The following XPO4 variants were observed in gnomAD, a reference collection of about 807,000 sequenced individuals.
XPO4 encodes the protein exportin-4.
XPO4 carries 39 observed loss-of-function variants against 143.0 expected under a neutral mutation model. That is an observed-to-expected ratio of 0.27 (90% CI 0.21 to 0.36). The LOEUF is 0.36. Ranked by LOEUF, XPO4 falls within the 10% of genes least tolerant of loss-of-function variation. The pLI, the probability that XPO4 is intolerant of heterozygous loss-of-function variation, is 1.00. For synonymous variants in XPO4, 439 were observed against 474.0 expected (o/e 0.93, Z 0.96); for missense variants, 907 against 1,348.0 (o/e 0.67, Z 5.12).
intron 10 of XPO4, 103 bp from the exon 11 acceptor site, chr13:20,809,328 C>T: frequency 1.4e-6 from 2 of 1,415,522 alleles, no homozygotes; most frequent in Non-Finnish European, 1.9e-6. Context: ...CACTGCATAG[C>T]AAAAGGAGAG....
At chr13:20,897,256 G>A (rs1759577220) in intron 1 of XPO4, among the ~76,000 whole-genome samples, 1 of 152,080 alleles carries the variant, frequency 6.6e-6, no homozygotes, top group Non-Finnish European at 1.5e-5. Context: ...TAAAGGCAGT[G>A]TACCTTACAC....
intron 3 of XPO4, among the ~76,000 whole-genome samples, chr13:20,860,538 G>A (rs371305760): frequency 6.6e-6 from 1 of 152,126 alleles, no homozygotes; most frequent in Non-Finnish European, 1.5e-5. Context: ...TACATTGTGT[G>A]CAAAACAACA....
chr13:20,812,330 A>C (rs367892071), intron 9 of XPO4, among the ~76,000 whole-genome samples: 13 of 152,136 alleles, frequency 8.5e-5, no homozygotes, highest in African/African-American at 2.9e-4. Context: ...TTATATAAAA[A>C]CTACAGTATG....
chr13:20,893,236 G>A (rs948660036), intron 1 of XPO4, among the ~76,000 whole-genome samples: 17 of 152,132 alleles, frequency 1.1e-4, no homozygotes, highest in Non-Finnish European at 1.3e-4. Context: ...ACACTTAATG[G>A]CACTTTTCCC....
chr13:20,808,298 G>T, intron 12 of XPO4, 138 bp downstream of exon 12: 1 of 888,134 alleles, frequency 1.1e-6, no homozygotes, highest in Non-Finnish European at 1.6e-6. Context: ...TGCATCCATA[G>T]TTCTATGACA....
intron 13 of XPO4, among the ~76,000 whole-genome samples, chr13:20,804,212 TTATATATATATACACACACACATTA>T (rs1280222404): frequency 3.1e-4 from 47 of 149,862 alleles, no homozygotes; most frequent in African/African-American, 1.2e-3. Flanking sequence ...TATACACACA[TTATATATATATACACACACACATTA>T]TATATATATA....
chr13:20,867,208 A>C (rs2056206620), intron 2 of XPO4, among the ~76,000 whole-genome samples: 1 of 152,220 alleles, frequency 6.6e-6, no homozygotes, highest in Non-Finnish European at 1.5e-5. Context: ...CACTGAAATA[A>C]GTAAATTAAT....
chr13:20,783,902 C>G lies in XPO4; in HGVS notation c.3276G>C (p.Leu1092=). 6.2e-7 allele frequency: 1 copy of G among 1,614,138 alleles called. No homozygotes were observed. Among genetic ancestry groups the G allele is most frequent in the Non-Finnish European group, 8.5e-7 (1 of 1,180,026 alleles). Residue 1092 remains leucine, a synonymous_variant, in exon 23 of 23, where the codon CTG becomes CTC. Coordinates refer to ENST00000255305, the MANE Select transcript of XPO4 (RefSeq NM_022459.5). ...GCTGACTTGATAGTAATGTTTCGACCAGTTCAGAATATTCAGCCTATTGAA... is the reference window on the plus strand; with the variant it reads ...GCTGACTTGATAGTAATGTTTCGACGAGTTCAGAATATTCAGCCTATTGAA... ...VCLHQAEYSE[L]VETLLSSQQD... is the part of the protein sequence containing the mutation.
chr13:20,896,929 T>C (rs958034775), intron 1 of XPO4, among the ~76,000 whole-genome samples: 2 of 152,238 alleles, frequency 1.3e-5, no homozygotes, highest in Non-Finnish European at 2.9e-5. Flanking sequence ...TTTAGGCATC[T>C]ATGGATGATT....
At position 20,780,669 on chromosome 13, in the gene XPO4, C is replaced by G. The variant is rs1390915925; in HGVS notation, c.*3053G>C. On this transcript the variant is annotated 3_prime_UTR_variant, in exon 23 of 23. Transcript: ENST00000255305. ...TTCTTAAAATTAGTTTGAAAAAAAC[C>G]TGCAGTTTGTTTACATTAAAAGTCA... 3 of 151,964 alleles carry G rather than the reference C, an allele frequency of 2.0e-5. No individual in the cohort carries two copies. Among genetic ancestry groups the G allele is most frequent in the African/African-American group, 7.3e-5 (3 of 41,344 alleles). The allele number at this position is 151,964 out of a possible 1,614,324, so 9.4% of individuals were successfully genotyped here. A position where few individuals can be genotyped will look rare whatever the true frequency, so the allele number is the denominator to read the frequency against.
intron 18 of XPO4, among the ~76,000 whole-genome samples, chr13:20,792,972 T>C (rs995951182): frequency 4.6e-5 from 7 of 151,868 alleles, no homozygotes; most frequent in African/African-American, 1.7e-4. Context: ...GTATTTTTAG[T>C]AGAGACGGGG....
intron 1 of XPO4, among the ~76,000 whole-genome samples, chr13:20,874,881 T>A (rs2060337039): frequency 6.6e-6 from 1 of 152,116 alleles, no homozygotes; most frequent in Non-Finnish European, 1.5e-5. Context: ...TAATCCCAGC[T>A]ACTCAGGAGG....
chr13:20,897,888 C>T (rs1168180501), intron 1 of XPO4, among the ~76,000 whole-genome samples: 7 of 152,122 alleles, frequency 4.6e-5, no homozygotes, highest in African/African-American at 9.7e-5. Context: ...GCTGGGATTA[C>T]GTTATAGGTA....
chr13:20,846,401 C>T (rs2060029386), intron 4 of XPO4, among the ~76,000 whole-genome samples: 1 of 152,156 alleles, frequency 6.6e-6, no homozygotes, highest in Admixed American at 6.5e-5. Context: ...TAAAGCTACT[C>T]CTGCAACTAC....
At chr13:20,883,251 G>C (rs759091371) in intron 1 of XPO4, among the ~76,000 whole-genome samples, 6 of 152,190 alleles carry the variant, frequency 3.9e-5, no homozygotes, top group Non-Finnish European at 7.3e-5. Context: ...ACACAGCATG[G>C]AGCTTCAATG....
rs2060067865 is a variant in XPO4, at chr13:20,850,095, G to A, written c.456+5532C>T. ...CACTCCAGCCTGGGCGACAGAGCAA[G>A]ACTCTGTCTCAACAAAAACCACACA... is the stretch of plus-strand genomic sequence containing the variant. On this transcript the variant is annotated intron_variant, in intron 4 of 22. Transcript: ENST00000255305. 3.1e-6 allele frequency: 3 copies of A among 979,932 alleles called. No homozygotes were observed. In the South Asian group the frequency reaches 1.4e-4, roughly 46 times the overall value. 60.7% of individuals were successfully genotyped at this position (979,932 alleles called of 1,614,324 possible).
rs541579451 is a variant in XPO4, at chr13:20,872,279, C to T, written c.70-3578G>A. ...CTTCCGTCTCTGCTTCCTTCATCAA[C>T]CTTCACTCACCTTTCCCCAGTTGTC... On this transcript the variant is annotated intron_variant, in intron 1 of 22. Transcript: ENST00000255305. 1.2e-4 allele frequency among the ~76,000 whole-genome samples: 18 copies of T among 152,318 alleles called. No individual in the cohort carries two copies. In the South Asian group the frequency reaches 2.7e-3, roughly 23 times the overall value.
At chr13:20,797,264 T>A (rs1331392397) in intron 16 of XPO4, among the ~76,000 whole-genome samples, 5 of 152,120 alleles carry the variant, frequency 3.3e-5, no homozygotes, top group African/African-American at 1.2e-4. Context: ...ACCCAAAGCA[T>A]GGGACATAAC....
rs746044146 is a variant in XPO4 at position 20,855,576 on chromosome 13, T to A, written c.456+51A>T. The A allele has an allele frequency of 1.6e-5, 23 of 1,415,446 alleles. 1 individual carries two copies. The highest frequency in any genetic ancestry group is 3.0e-5 in the Admixed American group (1 of 33,162). 87.7% of individuals were successfully genotyped at this position (1,415,446 alleles called of 1,614,324 possible). ...TACTCTTGCTATAATGCTATTTGTG[T>A]AACAGAAAATATAAATTGTTAATAT... On this transcript the variant is annotated intron_variant, in intron 4 of 22. Transcript: ENST00000255305.
Sources: allele counts gnomAD v4.1 joint callset (sites outside exome capture counted in the v4.1 genomes callset), GRCh38; gene constraint gnomAD v4.1.1; transcripts MANE v1.5; gene names NCBI Gene and HGNC (gene_info 2026-07-23, HGNC 2026-07-21).